Variants in CAPRIN1 observed in about 807,000 individuals in gnomAD.
The protein encoded by CAPRIN1 is cell cycle associated protein 1.
A neutral mutation model predicts 100.9 loss-of-function variants in CAPRIN1; 29 were observed. The observed-to-expected ratio is 0.29, with a 90% CI of 0.21 to 0.39. CAPRIN1 has a LOEUF of 0.39. CAPRIN1 is among the 10% of genes least tolerant of loss of function. The pLI, the probability that CAPRIN1 is intolerant of heterozygous loss-of-function variation, is 1.00. For synonymous variants in CAPRIN1, 338 were observed against 307.5 expected (o/e 1.10, Z -1.04); for missense variants, 795 against 876.7 (o/e 0.91, Z 1.18).
Position 34,076,292 on chromosome 11 carries a change from T to G in CAPRIN1, c.423T>G (p.Ala141=). 1 of 1,614,208 alleles carries G rather than the reference T, an allele frequency of 6.2e-7. No individual in the cohort carries two copies. ...GGGAGCAGCTTATGAGAGAAGAAGC[T>G]GAACAGAAACGTTTAAAAACTGTAC... ...ARREQLMREE[A]EQKRLKTVLE... The change falls in exon 5 of 19, where the codon GCT becomes GCG. Residue 141 remains alanine (A), a synonymous_variant. Transcript: ENST00000341394.
intron 2 of CAPRIN1, among the ~76,000 whole-genome samples, chr11:34,066,421 C>T (rs1850696142): frequency 6.6e-6 from 1 of 152,048 alleles, no homozygotes; most frequent in Non-Finnish European, 1.5e-5. Flanking sequence ...GCAACCTCTG[C>T]CACCTGGGTT....
intron 2 of CAPRIN1, among the ~76,000 whole-genome samples, chr11:34,058,738 A>G (rs1349510819): frequency 6.6e-6 from 1 of 152,196 alleles, no homozygotes; most frequent in Non-Finnish European, 1.5e-5. Flanking sequence ...TTGTAATGAA[A>G]TAAACTTTTA....
At chr11:34,069,409 A>G (rs1265242643) in intron 2 of CAPRIN1, among the ~76,000 whole-genome samples, 1 of 152,044 alleles carries the variant, frequency 6.6e-6, no homozygotes, top group Non-Finnish European at 1.5e-5. Flanking sequence ...TGGCCTCCCA[A>G]AATGCTGGGA....
chr11:34,102,017 A>G lies in CAPRIN1; in HGVS notation c.*2650A>G, dbSNP rs769993859. ...AGGGCAGTTTTATTTCCAGATCCTA[A>G]TAATTCCTAAAAAATATGGAAAAGT... On this transcript the variant is annotated 3_prime_UTR_variant, in exon 19 of 19. Coordinates refer to ENST00000341394, the MANE Select transcript of CAPRIN1 (RefSeq NM_005898.5). 1.3e-5 allele frequency among the ~76,000 whole-genome samples: 2 copies of G among 152,226 alleles called. No homozygotes were observed. Among genetic ancestry groups the G allele is most frequent in the African/African-American group, 4.8e-5 (2 of 41,464 alleles).
At chr11:34,053,843 A>G (rs1047317183) in intron 2 of CAPRIN1, among the ~76,000 whole-genome samples, 3 of 152,246 alleles carry the variant, frequency 2.0e-5, no homozygotes, top group Admixed American at 6.5e-5. Context: ...AGTCGTTTGT[A>G]AAAACGAGGT....
chr11:34,094,870 TCTTTC>T (rs1007909845), intron 15 of CAPRIN1, among the ~76,000 whole-genome samples: 99 of 152,274 alleles, frequency 6.5e-4, no homozygotes, highest in African/African-American at 2.3e-3. Flanking sequence ...TTTCTTCCTT[TCTTTC>T]CTTTCCTTTT....
At position 34,097,425 on chromosome 11, in the gene CAPRIN1, A is replaced by G. The variant is rs1325834318; in HGVS notation, c.2001+129A>G. Reference sequence around the variant, plus strand: ...TTGTGGTGTCCAAGACACTCTGTTGAAACAAAAGCTTTTAGCACTCAACAT... The same window carrying G: ...TTGTGGTGTCCAAGACACTCTGTTGGAACAAAAGCTTTTAGCACTCAACAT... On this transcript the variant is annotated intron_variant, in intron 17 of 18. Transcript: ENST00000341394. 7.5e-6 allele frequency: 6 copies of G among 803,242 alleles called. No individual in the cohort carries two copies. In the East Asian group the frequency reaches 1.6e-4, roughly 21 times the overall value. 49.8% of individuals were successfully genotyped at this position (803,242 alleles called of 1,614,324 possible). A position where few individuals can be genotyped will look rare whatever the true frequency, so the allele number is the denominator to read the frequency against.
intron 4 of CAPRIN1, among the ~76,000 whole-genome samples, chr11:34,072,699 C>G (rs911248154): frequency 6.6e-6 from 1 of 152,148 alleles, no homozygotes; most frequent in Non-Finnish European, 1.5e-5. Context: ...CAAGCAAAGT[C>G]AGATAATTTG....
At chr11:34,085,295 C>G (rs760849351) in intron 9 of CAPRIN1, among the ~76,000 whole-genome samples, 1 of 152,016 alleles carries the variant, frequency 6.6e-6, no homozygotes, top group African/African-American at 2.4e-5. Flanking sequence ...AAGCTTGATC[C>G]TATGGTGTTG....
rs778849492 is a variant in CAPRIN1 at position 34,052,464 on chromosome 11, C to T, written c.44C>T (p.Ser15Phe). Residue 15 changes from serine to phenylalanine, a missense_variant, in exon 2 of 19, where the codon TCC (serine) becomes TTC (phenylalanine). Ser to Phe is a radical substitution (Grantham distance 155). Coordinates refer to ENST00000341394, the MANE Select transcript of CAPRIN1 (RefSeq NM_005898.5). ...TSHSGSGSKSSGPPPPSGSSG... is the reference protein window; with the variant it reads ...TSHSGSGSKSFGPPPPSGSSG... Reference sequence around the variant, plus strand: ...CACAGCGGGAGCGGCAGCAAGTCGTCCGGACCGCCACCGCCGTCGGGTTCC... The same window carrying T: ...CACAGCGGGAGCGGCAGCAAGTCGTTCGGACCGCCACCGCCGTCGGGTTCC... 2.3e-5 allele frequency: 37 copies of T among 1,607,524 alleles called. No homozygotes were observed. In the African/African-American group the frequency reaches 4.3e-4, roughly 19 times the overall value.
chr11:34,086,481 T>G (rs1851147401), intron 11 of CAPRIN1, 68 bp downstream of exon 11: 2 of 925,396 alleles, frequency 2.2e-6, no homozygotes, highest in Non-Finnish European at 3.3e-6. Context: ...TTAAAAAGAT[T>G]GTGAAAATAA....
intron 18 of CAPRIN1, 186 bp from the exon 19 acceptor site, chr11:34,099,117 C>A: frequency 7.7e-6 from 11 of 1,432,928 alleles, no homozygotes; most frequent in Non-Finnish European, 1.0e-5. Flanking sequence ...GCTAAGAGAA[C>A]ATGAGCAAAT....
intron 2 of CAPRIN1, among the ~76,000 whole-genome samples, chr11:34,062,624 CAAAAAA>C (rs36059851): frequency 3.0e-5 from 3 of 100,600 alleles, no homozygotes; most frequent in Non-Finnish European, 6.2e-5. Flanking sequence ...AACTCCGTCT[CAAAAAA>C]AAAAAAAAAA....
At chr11:34,083,807 C>T (rs915698844) in intron 9 of CAPRIN1, among the ~76,000 whole-genome samples, 1 of 152,102 alleles carries the variant, frequency 6.6e-6, no homozygotes, top group East Asian at 1.9e-4. Context: ...GTGGTTCATG[C>T]CTGTAACCCC....
At chr11:34,072,800 A>T (rs574965192) in intron 4 of CAPRIN1, among the ~76,000 whole-genome samples, 42 of 152,230 alleles carry the variant, frequency 2.8e-4, no homozygotes, top group Non-Finnish European at 5.0e-4. Context: ...CTCCATAATG[A>T]TGTTTCAGTC....
At chr11:34,090,457 G>A in intron 13 of CAPRIN1, 72 bp from the exon 14 acceptor site, 1 of 1,518,244 alleles carries the variant, frequency 6.6e-7, no homozygotes, top group Non-Finnish European at 9.1e-7. Context: ...TACCACTTTA[G>A]TACATCTGTT....
intron 7 of CAPRIN1, among the ~76,000 whole-genome samples, chr11:34,080,808 A>G (rs1486635531): frequency 6.6e-6 from 1 of 152,252 alleles, no homozygotes; most frequent in Non-Finnish European, 1.5e-5. Flanking sequence ...GTGTGTATAC[A>G]GTGCCTGACA....
chr11:34,070,369 C>T (rs1850784312), intron 2 of CAPRIN1, among the ~76,000 whole-genome samples: 1 of 152,188 alleles, frequency 6.6e-6, no homozygotes, highest in African/African-American at 2.4e-5. Flanking sequence ...ACAATATGCC[C>T]ATGAGTTTAT....
chr11:34,094,072 G>A (rs553303443), intron 15 of CAPRIN1, among the ~76,000 whole-genome samples: 2 of 152,222 alleles, frequency 1.3e-5, no homozygotes, highest in South Asian at 4.1e-4. Context: ...GTCCGTTGTG[G>A]GCGGGCTTCA....
Sources: gnomAD v4.1 joint callset for allele counts (sites outside exome capture counted in the v4.1 genomes callset) on GRCh38, gnomAD v4.1.1 for gene constraint, MANE v1.5 for transcripts, NCBI Gene and HGNC (gene_info 2026-07-23, HGNC 2026-07-21) for gene names.